The following SPOCK1 variants were observed in gnomAD, a reference collection of about 807,000 sequenced individuals.
SPOCK1 encodes the protein SPARC (osteonectin), cwcv and kazal like domains proteoglycan 1, also known as testican-1.
SPOCK1 carries 23 observed loss-of-function variants against 55.3 expected under a neutral mutation model. That is an observed-to-expected ratio of 0.42 (90% confidence interval 0.30 to 0.59). The LOEUF (loss-of-function observed/expected upper bound fraction) is 0.59, where lower values mean the gene tolerates loss of function less well. Ranked by LOEUF, SPOCK1 falls within the 20% of genes least tolerant of loss-of-function variation. SPOCK1 has a pLI of 0.22. For missense variants in SPOCK1, 499 were observed against 552.5 expected, an observed-to-expected ratio of 0.90 and a Z score of 0.97; for synonymous variants, 226 against 221.0, an observed-to-expected ratio of 1.02 and a Z score of -0.20.
chr5:137,253,985 G>T (rs1756588945), intron 3 of SPOCK1, among the ~76,000 whole-genome samples: 1 of 152,200 alleles, frequency 6.6e-6, no homozygotes, highest in Non-Finnish European at 1.5e-5. Flanking sequence ...AGGAATCTGT[G>T]CCTTGCTATG....
intron 8 of SPOCK1, among the ~76,000 whole-genome samples, chr5:136,986,896 T>G (rs559180835): frequency 9.8e-5 from 15 of 152,332 alleles, no homozygotes; most frequent in African/African-American, 3.6e-4. Context: ...GAATTGTTTT[T>G]AATTGGATAA....
At chr5:137,224,477 G>A (rs1457755731) in intron 3 of SPOCK1, among the ~76,000 whole-genome samples, 1 of 152,200 alleles carries the variant, frequency 6.6e-6, no homozygotes, top group East Asian at 1.9e-4. Flanking sequence ...AAGAATGTTA[G>A]CTGGGAAAGG....
intron 3 of SPOCK1, among the ~76,000 whole-genome samples, chr5:137,168,612 C>T (rs559499079): frequency 1.3e-5 from 2 of 152,228 alleles, no homozygotes; most frequent in South Asian, 2.1e-4. Context: ...AGGTGCTCAA[C>T]ATCACTGATC....
At chr5:137,484,380 G>A (rs149632137) in intron 2 of SPOCK1, among the ~76,000 whole-genome samples, 41 of 152,334 alleles carry the variant, frequency 2.7e-4, no homozygotes, top group Non-Finnish European at 5.4e-4. Context: ...TGAGCTGTGG[G>A]CTCTCACACC....
intron 2 of SPOCK1, among the ~76,000 whole-genome samples, chr5:137,307,389 G>A (rs1757716341): frequency 6.6e-6 from 1 of 152,134 alleles, no homozygotes; most frequent in African/African-American, 2.4e-5. Context: ...CAGCCAGGGA[G>A]AAAAAACACG....
At chr5:137,044,870 G>A (rs1239847474) in intron 6 of SPOCK1, among the ~76,000 whole-genome samples, 46 of 143,228 alleles carry the variant, frequency 3.2e-4, no homozygotes, top group South Asian at 7.0e-4. Flanking sequence ...TTCAATTCCC[G>A]CCTATGAGTG....
rs182469260 is a variant in SPOCK1, at chr5:137,464,030, G to A, written c.186+34343C>T. ...AATGCTTGAGAGGGCCAGGCATGGC[G>A]GCTCATGCCTGTAATCCCAGCACTT... On this transcript the variant is annotated intron_variant, in intron 2 of 10. Coordinates refer to ENST00000394945, the MANE Select transcript of SPOCK1 (RefSeq NM_004598.4). Among the ~76,000 whole-genome samples the A allele has an allele frequency of 3.3e-4, 50 of 149,770 alleles. No homozygotes were observed. The East Asian group carries it at 5.5e-3, about 16-fold the overall frequency.
intron 3 of SPOCK1, among the ~76,000 whole-genome samples, chr5:137,186,015 T>C (rs1472630599): frequency 6.6e-6 from 1 of 152,210 alleles, no homozygotes; most frequent in African/African-American, 2.4e-5. Flanking sequence ...ACCAAATTTA[T>C]CTGTGCCACA....
intron 3 of SPOCK1, among the ~76,000 whole-genome samples, chr5:137,212,754 A>G (rs889527440): frequency 2.0e-5 from 3 of 152,244 alleles, no homozygotes; most frequent in Non-Finnish European, 2.9e-5. Flanking sequence ...GTGTGTTGCC[A>G]GATTGCTTTA....
chr5:137,316,877 C>T (rs1284416758), intron 2 of SPOCK1, among the ~76,000 whole-genome samples: 1 of 152,160 alleles, frequency 6.6e-6, no homozygotes, highest in Non-Finnish European at 1.5e-5. Flanking sequence ...CGCTCTGTGC[C>T]CACTGGAAAA....
chr5:137,335,437 T>A (rs968144331), intron 2 of SPOCK1, among the ~76,000 whole-genome samples: 1 of 152,244 alleles, frequency 6.6e-6, no homozygotes, highest in Non-Finnish European at 1.5e-5. Flanking sequence ...TCTCTATACT[T>A]CCTGTGTATT....
chr5:136,984,938 C>A (rs1380572252), intron 9 of SPOCK1, among the ~76,000 whole-genome samples: 1 of 152,154 alleles, frequency 6.6e-6, no homozygotes, highest in Non-Finnish European at 1.5e-5. Context: ...CTCTTCCTGC[C>A]GAAGGAACAC....
At chr5:137,043,459 C>T (rs1005683288) in intron 6 of SPOCK1, among the ~76,000 whole-genome samples, 5 of 152,202 alleles carry the variant, frequency 3.3e-5, no homozygotes, top group African/African-American at 1.2e-4. Flanking sequence ...GTAGTAACTT[C>T]TTCCAAAGAG....
chr5:137,417,332 C>CTTTTTTT (rs35711384), intron 2 of SPOCK1, among the ~76,000 whole-genome samples: 8 of 117,870 alleles, frequency 6.8e-5, no homozygotes, highest in Non-Finnish European at 7.3e-5. Context: ...TAACCCATTT[C>CTTTTTTT]TTTTTTTTTT....
rs556679692 is a variant in SPOCK1 at position 137,388,410 on chromosome 5, G to C, written c.186+109963C>G. 2.6e-5 allele frequency among the ~76,000 whole-genome samples: 4 copies of C among 152,196 alleles called. No individual in the cohort carries two copies. The South Asian group carries it at 8.3e-4, about 32-fold the overall frequency. On this transcript the variant is annotated intron_variant, in intron 2 of 10. Coordinates refer to ENST00000394945, the MANE Select transcript of SPOCK1 (RefSeq NM_004598.4). ...GTAAGGGGTATGTGGCGGGAGGGAG[G>C]GGGGGAAATGATGTTGAATTTACAA...
chr5:137,387,164 T>C (rs1053853595), intron 2 of SPOCK1, among the ~76,000 whole-genome samples: 2 of 152,228 alleles, frequency 1.3e-5, no homozygotes, highest in Admixed American at 6.5e-5. Flanking sequence ...CACCACCAAA[T>C]GCTGATAGGA....
intron 3 of SPOCK1, among the ~76,000 whole-genome samples, chr5:137,231,337 G>A (rs933424051): frequency 6.6e-6 from 1 of 152,100 alleles, no homozygotes; most frequent in African/African-American, 2.4e-5. Flanking sequence ...GTGAGCCACC[G>A]CACCCGGCTG....
intron 2 of SPOCK1, among the ~76,000 whole-genome samples, chr5:137,375,061 G>C (rs1751284016): frequency 6.6e-6 from 1 of 151,608 alleles, no homozygotes. Context: ...ATTTCCTTTG[G>C]AAAAAAAGAA....
intron 8 of SPOCK1, among the ~76,000 whole-genome samples, chr5:136,988,084 T>C (rs1004536201): frequency 2.6e-4 from 39 of 152,306 alleles, no homozygotes; most frequent in African/African-American, 8.7e-4. Context: ...TTTTAAGGTA[T>C]TTTTTACATT....
Sources: allele counts gnomAD v4.1 joint callset (sites outside exome capture counted in the v4.1 genomes callset), GRCh38; gene constraint gnomAD v4.1.1; transcripts MANE v1.5; gene names NCBI Gene and HGNC (gene_info 2026-07-23, HGNC 2026-07-21).